ERCC6L2: variants seen among roughly 807,000 people sequenced by gnomAD.
ERCC6L2 encodes DNA excision repair protein ERCC-6-like 2.
ERCC6L2 carries 77 observed loss-of-function variants against 132.0 expected under a neutral mutation model. The ratio of observed to expected loss-of-function variants is 0.58; its 90% CI spans 0.49 to 0.71. The LOEUF (loss-of-function observed/expected upper bound fraction) is 0.71. ERCC6L2 is among the 30% of genes least tolerant of loss of function. The probability of loss-of-function intolerance (pLI) is 0.00; values close to 1 mark genes in which losing one functional copy is unlikely to be tolerated. For synonymous variants in ERCC6L2, 583 were observed against 632.4 expected (o/e 0.92, Z 1.17); for missense variants, 1,542 against 1,837.6 (o/e 0.84, Z 2.94).
chr9:96,002,031 C>T (rs1833702482), intron 17 of ERCC6L2, among the ~76,000 whole-genome samples: 1 of 152,242 alleles, frequency 6.6e-6, no homozygotes, highest in South Asian at 2.1e-4. Context: ...CGCACCAAGC[C>T]CACGCCCACC....
At chr9:96,027,510 G>C (rs138061002) in intron 19 of ERCC6L2, among the ~76,000 whole-genome samples, 2,823 of 152,238 alleles carry the variant, frequency 0.019, 96 homozygotes, top group African/African-American at 0.063. Context: ...AAGGCGGCCC[G>C]GTTGGAAAGT....
intron 2 of ERCC6L2, among the ~76,000 whole-genome samples, chr9:95,886,359 A>T (rs1016414253): frequency 4.0e-5 from 5 of 123,516 alleles, no homozygotes; most frequent in Non-Finnish European, 5.5e-5. Flanking sequence ...CATTTCATTT[A>T]AAAAAAAAAT....
At position 95,922,410 on chromosome 9, in the gene ERCC6L2, A is replaced by G. The variant is rs1299309630; in HGVS notation, c.1405A>G (p.Lys469Glu). The G allele has an allele frequency of 1.3e-6, 2 of 1,598,410 alleles. No individual in the cohort carries two copies. Among genetic ancestry groups the G allele is most frequent in the African/African-American group, 2.7e-5 (2 of 74,634 alleles). Residue 469 changes from lysine to glutamate, a missense_variant, in exon 8 of 19, where the codon AAA becomes GAA. Lys to Glu is a moderately conservative substitution (Grantham distance 56). Coordinates refer to ENST00000653738, the MANE Select transcript of ERCC6L2 (RefSeq NM_020207.7). ...VALLQAASTS[K>E]QQETLIKRIC... ...GCTACTGCAAGCTGCTAGTACTTCC[A>G]AACAACAGGTTTGGTTAGCATTTTA...
At chr9:95,927,044 T>A (rs1166253598) in intron 9 of ERCC6L2, among the ~76,000 whole-genome samples, 1 of 152,110 alleles carries the variant, frequency 6.6e-6, no homozygotes, top group Non-Finnish European at 1.5e-5. Context: ...TCAGTTATTT[T>A]ATTAAAAAAT....
intron 11 of ERCC6L2, among the ~76,000 whole-genome samples, chr9:95,934,876 C>T (rs1830489274): frequency 6.6e-6 from 1 of 152,144 alleles, no homozygotes; most frequent in South Asian, 2.1e-4. Flanking sequence ...TATTCCAAAA[C>T]ACTGTCAACT....
At position 95,897,728 on chromosome 9, in the gene ERCC6L2, A is replaced by G. The variant is rs1348225910; in HGVS notation, c.472-121A>G. 3.0e-6 allele frequency: 3 copies of G among 1,013,202 alleles called. No individual in the cohort carries two copies. In the African/African-American group the frequency reaches 5.0e-5, roughly 17 times the overall value. 62.8% of individuals were successfully genotyped at this position (1,013,202 alleles called of 1,614,324 possible). On this transcript the variant is annotated intron_variant, in intron 2 of 18. Transcript: ENST00000653738. The stretch of plus-strand genomic sequence containing the variant: ...AATCAGTACTAATATTTCATGTTCT[A>G]TTTCCCCCAACAAATCTCTTTGTAC...
At chr9:95,889,584 T>C (rs1249898373) in intron 2 of ERCC6L2, among the ~76,000 whole-genome samples, 1 of 152,142 alleles carries the variant, frequency 6.6e-6, no homozygotes, top group Admixed American at 6.5e-5. Context: ...TGTCTATGTC[T>C]GTGTAACTAA....
intron 13 of ERCC6L2, among the ~76,000 whole-genome samples, chr9:95,960,512 C>T (rs994623821): frequency 1.3e-5 from 2 of 152,098 alleles, no homozygotes; most frequent in African/African-American, 4.8e-5. Flanking sequence ...CAATTTGACA[C>T]AGACAGAAGA....
intron 13 of ERCC6L2, among the ~76,000 whole-genome samples, chr9:95,957,322 A>G (rs776276144): frequency 2.0e-5 from 3 of 151,796 alleles, no homozygotes; most frequent in Admixed American, 1.3e-4. Flanking sequence ...TCTTAAATTT[A>G]TGCTATTTTC....
intron 4 of ERCC6L2, among the ~76,000 whole-genome samples, chr9:95,912,301 G>A (rs1829377844): frequency 6.6e-6 from 1 of 151,862 alleles, no homozygotes; most frequent in Admixed American, 6.6e-5. Context: ...GCTTTTTTCA[G>A]CTTTATATTA....
At chr9:95,903,352 T>A (rs907299155) in intron 3 of ERCC6L2, among the ~76,000 whole-genome samples, 10 of 152,232 alleles carry the variant, frequency 6.6e-5, no homozygotes, top group South Asian at 6.2e-4. Context: ...TTATTTTAGC[T>A]TTATAATGTA....
intron 6 of ERCC6L2, 66 bp downstream of exon 6, chr9:95,916,500 A>T: frequency 7.6e-7 from 1 of 1,323,274 alleles, no homozygotes. Context: ...TTTAAGAAAA[A>T]GTCTGTCTCC....
intron 17 of ERCC6L2, 40 bp downstream of exon 17, chr9:95,978,255 A>G: frequency 7.9e-7 from 1 of 1,271,476 alleles, no homozygotes; most frequent in Non-Finnish European, 1.0e-6. Context: ...TAGTTACCTC[A>G]TTTTTCACAG....
chr9:96,020,738 A>T (rs768936947), downstream of ERCC6L2: 127 of 456,396 alleles, frequency 2.8e-4, no homozygotes, highest in Admixed American at 1.2e-3. Context: ...TGGAGTCCTC[A>T]GAAAAGGCCA....
rs1427142679 is a variant in ERCC6L2, at chr9:95,966,650, T to C, written c.2036T>C (p.Phe679Ser). 1.9e-6 allele frequency: 3 copies of C among 1,547,610 alleles called. No individual in the cohort carries two copies. The highest frequency in any genetic ancestry group is 2.7e-5 in the African/African-American group (2 of 74,152). The change falls in exon 14 of 19, where the codon TTT becomes TCT. Residue 679 changes from phenylalanine to serine, a missense_variant. Physicochemically the swap from Phe to Ser is radical, Grantham distance 155. This residue lies in a region of ERCC6L2 where 945 missense variants were observed against 1,105.2 expected (regional missense o/e 0.86). Coordinates refer to ENST00000653738, the MANE Select transcript of ERCC6L2 (RefSeq NM_020207.7). Reference protein sequence around the residue: ...QGSKEHQGELFGIHNLFKFRS... With the variant: ...QGSKEHQGELSGIHNLFKFRS... Reference sequence around the variant, plus strand: ...TCTAAAGAGCATCAAGGAGAGCTTTTTGGGATCCATAACCTCTTCAAATTT... The same window carrying C: ...TCTAAAGAGCATCAAGGAGAGCTTTCTGGGATCCATAACCTCTTCAAATTT...
chr9:95,954,271 C>T lies in ERCC6L2; in HGVS notation c.1848-1643C>T, dbSNP rs1297690793. ...ATGAAAACCACAGAAAAATTTCCCC[C>T]TTTTTTTTGATCTTGTTGTATTTTG... is the stretch of plus-strand genomic sequence containing the variant. On this transcript the variant is annotated intron_variant, in intron 12 of 18. Coordinates refer to ENST00000653738, the MANE Select transcript of ERCC6L2 (RefSeq NM_020207.7). 1.4e-4 allele frequency among the ~76,000 whole-genome samples: 21 copies of T among 151,904 alleles called. 1 individual carries two copies. The highest frequency in any genetic ancestry group is 1.5e-5 in the Non-Finnish European group (1 of 67,956).
intron 19 of ERCC6L2, among the ~76,000 whole-genome samples, chr9:96,030,689 G>C (rs1249905635): frequency 7.5e-6 from 1 of 132,886 alleles, no homozygotes; most frequent in Admixed American, 8.4e-5. Flanking sequence ...GCGACAAAGC[G>C]AGACTCCATC....
intron 2 of ERCC6L2, among the ~76,000 whole-genome samples, chr9:95,881,612 G>T (rs1225980609): frequency 6.6e-6 from 1 of 152,162 alleles, no homozygotes; most frequent in Non-Finnish European, 1.5e-5. Context: ...ATACTTAATG[G>T]AAGGAAAGCA....
At chr9:95,987,315 A>G (rs188108872) in intron 17 of ERCC6L2, among the ~76,000 whole-genome samples, 2 of 152,358 alleles carry the variant, frequency 1.3e-5, no homozygotes, top group African/African-American at 4.8e-5. Flanking sequence ...CTCATTTGAG[A>G]CAAGGCAAGT....
Sources: allele counts gnomAD v4.1 joint callset (sites outside exome capture counted in the v4.1 genomes callset), GRCh38; gene constraint gnomAD v4.1.1; regional missense constraint gnomAD v4.1.1; transcripts MANE v1.5; gene names NCBI Gene and HGNC (gene_info 2026-07-23, HGNC 2026-07-21).